Variants in PLD5 observed in about 807,000 individuals in gnomAD.
The protein encoded by PLD5 is inactive phospholipase D5.
A neutral mutation model predicts 61.1 loss-of-function variants in PLD5; 36 were observed. The observed-to-expected ratio is 0.59, with a 90% CI of 0.45 to 0.78. The LOEUF (loss-of-function observed/expected upper bound fraction) is 0.78, where lower values mean the gene tolerates loss of function less well. Among genes scored for constraint, PLD5 ranks in the 30% least tolerant of loss-of-function variants. The probability of loss-of-function intolerance (pLI) is 0.00; values close to 1 mark genes in which losing one functional copy is unlikely to be tolerated. For missense variants in PLD5, 515 were observed against 644.4 expected (o/e 0.80, Z 2.17); for synonymous variants, 243 against 242.8 (o/e 1.00, Z -0.01).
chr1:242,332,211 T>A (rs1028853931), intron 2 of PLD5, among the ~76,000 whole-genome samples: 16 of 152,216 alleles, frequency 1.1e-4, no homozygotes, highest in African/African-American at 3.9e-4. Flanking sequence ...GCAAAGGACA[T>A]GAACTCATCC....
chr1:242,308,093 A>G (rs562154878), intron 2 of PLD5, among the ~76,000 whole-genome samples: 17 of 152,326 alleles, frequency 1.1e-4, no homozygotes, highest in African/African-American at 4.1e-4. Context: ...TTAAATAATG[A>G]GCAATAAACT....
At chr1:242,321,978 A>G (rs191753572) in intron 2 of PLD5, among the ~76,000 whole-genome samples, 1 of 152,330 alleles carries the variant, frequency 6.6e-6, no homozygotes, top group Non-Finnish European at 1.5e-5. Context: ...TCAAAACACC[A>G]ATGAGATGGT....
intron 2 of PLD5, among the ~76,000 whole-genome samples, chr1:242,306,396 C>A (rs1005749348): frequency 1.3e-5 from 2 of 151,996 alleles, no homozygotes; most frequent in Non-Finnish European, 2.9e-5. Context: ...CCCTTCCATG[C>A]TCCAGCCTAC....
At chr1:242,398,549 T>C (rs1663735472) in intron 1 of PLD5, among the ~76,000 whole-genome samples, 1 of 152,218 alleles carries the variant, frequency 6.6e-6, no homozygotes, top group South Asian at 2.1e-4. Flanking sequence ...ATTTGGCTAT[T>C]GTTTGTGCAA....
chr1:242,389,290 A>G (rs1273678589), intron 1 of PLD5, among the ~76,000 whole-genome samples: 1 of 152,136 alleles, frequency 6.6e-6, no homozygotes, highest in African/African-American at 2.4e-5. Flanking sequence ...TATACATGTT[A>G]CCTTGTGACT....
rs55735206 is a variant in PLD5 at position 242,512,255 on chromosome 1, C to CA, written c.189+11832dup. On this transcript the variant is annotated intron_variant, in intron 1 of 9. Transcript: ENST00000536534. ...TGAAACCTCGTCTCTACTAAAAATACAAAAAAAAAAAAAAATTAGCCAGGC... is the reference window on the plus strand; with the variant it reads ...TGAAACCTCGTCTCTACTAAAAATACAAAAAAAAAAAAAAAATTAGCCAGGC... 9.3e-3 allele frequency among the ~76,000 whole-genome samples: 1,164 copies of CA among 125,602 alleles called. 7 individuals carry two copies. The highest frequency in any genetic ancestry group is 0.026 in the African/African-American group (879 of 34,314). 82.4% of individuals were successfully genotyped at this position (125,602 alleles called of 152,430 possible). A position where few individuals can be genotyped will look rare whatever the true frequency, so the allele number is the denominator to read the frequency against.
intron 2 of PLD5, among the ~76,000 whole-genome samples, chr1:242,300,193 C>G (rs1346157377): frequency 6.6e-6 from 1 of 152,182 alleles, no homozygotes; most frequent in Non-Finnish European, 1.5e-5. Flanking sequence ...AATCCCAGCA[C>G]TTTGGGAGGC....
chr1:242,361,804 G>A (rs1419177229), intron 1 of PLD5, among the ~76,000 whole-genome samples: 1 of 152,056 alleles, frequency 6.6e-6, no homozygotes, highest in Non-Finnish European at 1.5e-5. Flanking sequence ...AAATTTTCAA[G>A]CTAAGCTTTT....
At chr1:242,172,510 C>A (rs1666823963) in intron 5 of PLD5, among the ~76,000 whole-genome samples, 2 of 151,962 alleles carry the variant, frequency 1.3e-5, no homozygotes, top group Non-Finnish European at 2.9e-5. Flanking sequence ...TAGCAGAAGA[C>A]AAGAAATAAC....
In PLD5 at chr1:242,190,138, C is replaced by CTTTTTT. The variant is rs902616187; in HGVS notation, c.735+29844_735+29849dup. Among the ~76,000 whole-genome samples, 67 of 74,404 alleles carry CTTTTTT rather than the reference C, an allele frequency of 9.0e-4. 3 individuals are homozygous for CTTTTTT. The highest frequency in any genetic ancestry group is 1.9e-3 in the Admixed American group (9 of 4,786). The allele number at this position is 74,404 out of a possible 152,430, so 48.8% of individuals were successfully genotyped here. A position where few individuals can be genotyped will look rare whatever the true frequency, so the allele number is the denominator to read the frequency against. ...TATCTGTATTTTCCTGACAGGACTC[C>CTTTTTT]TTTTTTTTTTTTTTTTTTTTTTTTT... On this transcript the variant is annotated intron_variant, in intron 5 of 9. Transcript: ENST00000536534.
chr1:242,395,006 A>AAT lies in PLD5; in HGVS notation c.190-46766_190-46765dup, dbSNP rs1491125376. 7.3e-5 allele frequency among the ~76,000 whole-genome samples: 8 copies of AAT among 108,996 alleles called. No homozygotes were observed. In the East Asian group the frequency reaches 9.5e-4, roughly 13 times the overall value. The allele number at this position is 108,996 out of a possible 152,430, so 71.5% of individuals were successfully genotyped here. ...ATATATGAATATATATGTATATATG[A>AAT]ATATATATGAATATATATGTATATA... On this transcript the variant is annotated intron_variant, in intron 1 of 9. Transcript: ENST00000536534.
intron 1 of PLD5, among the ~76,000 whole-genome samples, chr1:242,469,201 T>C (rs1464256083): frequency 1.3e-5 from 2 of 152,254 alleles, no homozygotes; most frequent in Non-Finnish European, 2.9e-5. Context: ...ATTGCTTGTA[T>C]AGATGTTTAA....
At chr1:242,478,076 C>CA (rs1259328044) in intron 1 of PLD5, among the ~76,000 whole-genome samples, 1 of 152,184 alleles carries the variant, frequency 6.6e-6, no homozygotes, top group East Asian at 1.9e-4. Flanking sequence ...CTTTAAAGCA[C>CA]ATTTCAAAGC....
chr1:242,276,499 A>T (rs1271736310), intron 3 of PLD5, among the ~76,000 whole-genome samples: 4 of 146,382 alleles, frequency 2.7e-5, no homozygotes, highest in Admixed American at 7.0e-5. Flanking sequence ...TGTTTATGAG[A>T]TAACACAGTG....
chr1:242,129,781 T>C (rs965459672), intron 5 of PLD5, among the ~76,000 whole-genome samples: 4 of 152,192 alleles, frequency 2.6e-5, no homozygotes, highest in Admixed American at 1.3e-4. Context: ...TTCTCATCCT[T>C]CATCCCGCTC....
chr1:242,333,259 A>T (rs1285151863), intron 2 of PLD5, among the ~76,000 whole-genome samples: 1 of 152,220 alleles, frequency 6.6e-6, no homozygotes, highest in African/African-American at 2.4e-5. Context: ...TATTTAATGT[A>T]CAGAAACAAT....
chr1:242,434,596 A>C (rs2342269), intron 1 of PLD5, among the ~76,000 whole-genome samples: 1 of 152,066 alleles, frequency 6.6e-6, no homozygotes, highest in South Asian at 2.1e-4. Flanking sequence ...CTATTGAGAC[A>C]TCCCTTGTTT....
At chr1:242,140,018 C>G (rs1664039607) in intron 5 of PLD5, among the ~76,000 whole-genome samples, 1 of 152,336 alleles carries the variant, frequency 6.6e-6, no homozygotes, top group East Asian at 1.9e-4. Flanking sequence ...CTTTTCTCGC[C>G]TTCCTGGCAA....
intron 9 of PLD5, among the ~76,000 whole-genome samples, chr1:242,097,747 T>G (rs1660362230): frequency 6.6e-6 from 1 of 152,250 alleles, no homozygotes; most frequent in Non-Finnish European, 1.5e-5. Context: ...GCTCTTTAGT[T>G]AAATTAGATC....
Sources: gnomAD v4.1 joint callset for allele counts (sites outside exome capture counted in the v4.1 genomes callset) on GRCh38, gnomAD v4.1.1 for gene constraint, MANE v1.5 for transcripts, NCBI Gene and HGNC (gene_info 2026-07-23, HGNC 2026-07-21) for gene names.